The following EYA4 variants were observed in gnomAD, a reference collection of about 807,000 sequenced individuals.
The protein encoded by EYA4 is protein phosphatase EYA4.
Under a neutral mutation model 87.9 loss-of-function variants are expected in EYA4, and 31 were observed. The ratio of observed to expected loss-of-function variants is 0.35; its 90% confidence interval spans 0.27 to 0.48. The LOEUF (loss-of-function observed/expected upper bound fraction) is 0.48. Ranked by LOEUF, EYA4 falls within the 20% of genes least tolerant of loss-of-function variation. EYA4 has a pLI of 0.99. For synonymous variants in EYA4, 263 were observed against 270.6 expected, an observed-to-expected ratio of 0.97 and a Z score of 0.28; for missense variants, 678 against 761.4, an observed-to-expected ratio of 0.89 and a Z score of 1.29.
At chr6:133,518,225 A>G (rs1382271309) in intron 17 of EYA4, among the ~76,000 whole-genome samples, 1 of 151,776 alleles carries the variant, frequency 6.6e-6, no homozygotes, top group Non-Finnish European at 1.5e-5. Flanking sequence ...ACATTATTAG[A>G]TTATATATAC....
chr6:133,485,660 G>A (rs543584281), intron 13 of EYA4, among the ~76,000 whole-genome samples: 1 of 152,290 alleles, frequency 6.6e-6, no homozygotes, highest in East Asian at 1.9e-4. Flanking sequence ...TACTGCATAG[G>A]CAGTTGGGTG....
chr6:133,289,338 G>A (rs1778306866), intron 2 of EYA4, among the ~76,000 whole-genome samples: 1 of 152,138 alleles, frequency 6.6e-6, no homozygotes, highest in South Asian at 2.1e-4. Context: ...TGGAAGCAGG[G>A]TTAGAATTAA....
At chr6:133,389,303 G>A (rs1787052754) in intron 3 of EYA4, among the ~76,000 whole-genome samples, 1 of 152,164 alleles carries the variant, frequency 6.6e-6, no homozygotes, top group South Asian at 2.1e-4. Context: ...CTTTAAGGAA[G>A]CCTTCCCTAT....
chr6:133,492,378 A>C (rs912386891), intron 13 of EYA4, among the ~76,000 whole-genome samples: 1 of 152,254 alleles, frequency 6.6e-6, no homozygotes, highest in African/African-American at 2.4e-5. Context: ...TCTGATGCTG[A>C]AAAGTATTTG....
chr6:133,337,283 T>C (rs1011449442), intron 2 of EYA4, among the ~76,000 whole-genome samples: 7 of 152,156 alleles, frequency 4.6e-5, no homozygotes, highest in Admixed American at 3.3e-4. Flanking sequence ...ATGTGATAGC[T>C]TCATACCAGG....
In EYA4 at chr6:133,391,165, C is replaced by T. The variant is rs142039323; in HGVS notation, c.83+8724C>T. 8.2e-3 allele frequency among the ~76,000 whole-genome samples: 1,244 copies of T among 151,608 alleles called. 21 individuals carry two copies. Among genetic ancestry groups the T allele is most frequent in the African/African-American group, 0.028 (1,153 of 41,258 alleles). On this transcript the variant is annotated intron_variant, in intron 3 of 19. Transcript: ENST00000355286. The stretch of plus-strand genomic sequence containing the variant: ...TATTGGTTGCAGCTACTGTTGTCAG[C>T]CAGTTGAAGCAGAAAAAGGAAGTTT...
chr6:133,522,933 A>G, intron 17 of EYA4, 123 bp from the exon 18 acceptor site: 1 of 769,316 alleles, frequency 1.3e-6, no homozygotes, highest in Admixed American at 2.0e-5. Flanking sequence ...CTGATAGGCA[A>G]TAGTAATGAA....
chr6:133,309,642 C>T (rs191763545), intron 2 of EYA4, among the ~76,000 whole-genome samples: 110 of 152,234 alleles, frequency 7.2e-4, no homozygotes, highest in African/African-American at 2.6e-3. Flanking sequence ...ACTAATAAAA[C>T]CATGTGCCGC....
At chr6:133,324,857 G>A (rs1479801428) in intron 2 of EYA4, among the ~76,000 whole-genome samples, 1 of 146,606 alleles carries the variant, frequency 6.8e-6, no homozygotes. Context: ...TTTCTTTCAA[G>A]TTTTGTTAGT....
At chr6:133,388,194 G>A (rs1295838102) in intron 3 of EYA4, among the ~76,000 whole-genome samples, 4 of 151,924 alleles carry the variant, frequency 2.6e-5, no homozygotes, top group Non-Finnish European at 4.4e-5. Context: ...ATCATCTGAG[G>A]TTGGGAGTTC....
intron 3 of EYA4, 90 bp downstream of exon 3, chr6:133,382,531 T>G (rs1330216445): frequency 1.1e-6 from 1 of 894,566 alleles, no homozygotes; most frequent in Non-Finnish European, 1.9e-6. Flanking sequence ...CAATTGTGAT[T>G]TGAAACATTG....
chr6:133,249,400 G>A lies in EYA4; in HGVS notation c.-66+7651G>A, dbSNP rs180991998. 1.1e-4 allele frequency among the ~76,000 whole-genome samples: 16 copies of A among 152,256 alleles called. No homozygotes were observed. The South Asian group carries it at 1.2e-3, about 12-fold the overall frequency. On this transcript the variant is annotated intron_variant, in intron 1 of 19. Transcript: ENST00000355286. ...GAAGCTGTCTCTAACACTCTCTCAC[G>A]TCCCTAAGATATTCAACCACATTTG...
intron 1 of EYA4, among the ~76,000 whole-genome samples, chr6:133,255,260 A>G (rs983442719): frequency 2.0e-5 from 3 of 152,056 alleles, no homozygotes; most frequent in African/African-American, 4.8e-5. Context: ...TTAATCTGTT[A>G]CTTAAAAAAT....
At chr6:133,456,701 C>A in intron 6 of EYA4, 53 bp downstream of exon 6, 1 of 1,064,172 alleles carries the variant, frequency 9.4e-7, no homozygotes, top group Non-Finnish European at 1.5e-6. Flanking sequence ...GCATCCACAT[C>A]CTCCTCCTCG....
chr6:133,382,794 C>CAAA (rs34082768), intron 3 of EYA4, among the ~76,000 whole-genome samples: 9 of 130,886 alleles, frequency 6.9e-5, no homozygotes, highest in East Asian at 4.3e-4. Context: ...TCTGTGTTTA[C>CAAA]AAAAAAAAAA....
At chr6:133,306,744 T>C (rs1278237597) in intron 2 of EYA4, among the ~76,000 whole-genome samples, 1 of 152,174 alleles carries the variant, frequency 6.6e-6, no homozygotes, top group East Asian at 1.9e-4. Context: ...AATAGTTATT[T>C]CTACAAATCA....
Position 133,530,959 on chromosome 6 carries a change from T to G in EYA4, c.*2154T>G. On this transcript the variant is annotated 3_prime_UTR_variant, in exon 20 of 20. Coordinates refer to ENST00000355286, the MANE Select transcript of EYA4 (RefSeq NM_004100.5). The stretch of plus-strand genomic sequence containing the variant: ...CTTAATTATGTTGTGCACTAAAACC[T>G]TAAATATTTATTACTGTGAATAAAA... The G allele has an allele frequency of 8.1e-7, 1 of 1,239,856 alleles. No homozygotes were observed. Among genetic ancestry groups the G allele is most frequent in the Non-Finnish European group, 1.0e-6 (1 of 988,874 alleles). 76.8% of individuals were successfully genotyped at this position (1,239,856 alleles called of 1,614,324 possible). A position where few individuals can be genotyped will look rare whatever the true frequency, so the allele number is the denominator to read the frequency against.
At chr6:133,281,718 A>G (rs1367912501) in intron 2 of EYA4, among the ~76,000 whole-genome samples, 2 of 152,140 alleles carry the variant, frequency 1.3e-5, no homozygotes, top group Admixed American at 1.3e-4. Context: ...GCCAGCACCT[A>G]GGTAGTGAGA....
chr6:133,314,293 C>T (rs538263209), intron 2 of EYA4, among the ~76,000 whole-genome samples: 1 of 152,224 alleles, frequency 6.6e-6, no homozygotes, highest in East Asian at 1.9e-4. Context: ...TTGTTAACTT[C>T]TGCAAAACTT....
Sources: gnomAD v4.1 joint callset for allele counts (sites outside exome capture counted in the v4.1 genomes callset) on GRCh38, gnomAD v4.1.1 for gene constraint, MANE v1.5 for transcripts, NCBI Gene and HGNC (gene_info 2026-07-23, HGNC 2026-07-21) for gene names.